PPRC1: variants seen among roughly 807,000 people sequenced by gnomAD.
PPRC1 encodes peroxisome proliferator-activated receptor gamma coactivator-related protein 1.
A neutral mutation model predicts 132.5 loss-of-function variants in PPRC1; 23 were observed. The ratio of observed to expected loss-of-function variants is 0.17; its 90% CI spans 0.12 to 0.25. The LOEUF (loss-of-function observed/expected upper bound fraction) is 0.25. PPRC1 is among the 10% of genes least tolerant of loss of function. The pLI is 1.00. For missense variants in PPRC1, 2,006 were observed against 2,089.1 expected (o/e 0.96, Z 0.78); for synonymous variants, 872 against 833.5 (o/e 1.05, Z -0.80).
chr10:102,142,400 C>CGTTTTTTTTTTTTTTT (rs2069029373), intron 5 of PPRC1, among the ~76,000 whole-genome samples: 1 of 61,206 alleles, frequency 1.6e-5, no homozygotes, highest in African/African-American at 6.4e-5. Flanking sequence ...TGCACCATGC[C>CGTTTTTTTTTTTTTTT]TTTTTTTTTT....
chr10:102,120,491 C>T, the PPRC1 span: 1 of 637,068 alleles, frequency 1.6e-6, no homozygotes, highest in Non-Finnish European at 2.0e-6. Flanking sequence ...GCTCCCCAGC[C>T]CAAGCCGGGC....
In PPRC1 at chr10:102,138,929, C is replaced by G; in HGVS notation, c.540C>G (p.Ile180Met). The change falls in exon 4 of 14, where the codon ATC becomes ATG. Residue 180 changes from isoleucine to methionine, a missense_variant. Transcript: ENST00000278070. ...LSRTPPERDLITPVDPLGPST... is the reference protein window; with the variant it reads ...LSRTPPERDLMTPVDPLGPST... ...GGACACCCCCAGAACGTGACCTCAT[C>G]ACCCCAGTTGACCCACTGGGGCCCA... The G allele has an allele frequency of 1.9e-6, 3 of 1,614,230 alleles. No individual in the cohort carries two copies. Among genetic ancestry groups the G allele is most frequent in the African/African-American group, 1.3e-5 (1 of 75,058 alleles).
At chr10:102,123,423 T>C in the PPRC1 span, among the ~76,000 whole-genome samples, 1 of 152,190 alleles carries the variant, frequency 6.6e-6, no homozygotes, top group South Asian at 2.1e-4. Flanking sequence ...TTAATGACAA[T>C]GTCCTGGAGG....
intron 1 of PPRC1, among the ~76,000 whole-genome samples, chr10:102,135,857 G>C (rs2068703590): frequency 6.6e-6 from 1 of 152,206 alleles, no homozygotes; most frequent in South Asian, 2.1e-4. Context: ...TTTGAAGTTA[G>C]AGGTGCTGAT....
upstream of PPRC1, chr10:102,132,845 G>A (rs747878451): frequency 4.2e-5 from 21 of 496,418 alleles, no homozygotes; most frequent in Middle Eastern, 5.7e-4. Context: ...CCTACAGGAT[G>A]CCTGCAGCTA....
At chr10:102,132,509 G>GTT (rs1230717249), upstream of PPRC1, among the ~76,000 whole-genome samples, 24 of 152,366 alleles carry the variant, frequency 1.6e-4, no homozygotes, top group African/African-American at 5.1e-4. Context: ...TGATAGAGAA[G>GTT]GCAACGTAAG....
At chr10:102,130,566 T>C (rs1451679257), upstream of PPRC1, among the ~76,000 whole-genome samples, 1 of 148,120 alleles carries the variant, frequency 6.8e-6, no homozygotes, top group African/African-American at 2.5e-5. Context: ...AGAAACCCCC[T>C]CTCTACTAAA....
At chr10:102,131,143 C>T (rs1450119994), upstream of PPRC1, among the ~76,000 whole-genome samples, 1 of 146,632 alleles carries the variant, frequency 6.8e-6, no homozygotes, top group Admixed American at 6.9e-5. Flanking sequence ...TGCAGTGAGC[C>T]AAGATCGCGC....
upstream of PPRC1, among the ~76,000 whole-genome samples, chr10:102,131,344 C>T (rs745863141): frequency 1.4e-4 from 22 of 151,794 alleles, no homozygotes; most frequent in African/African-American, 1.9e-4. Flanking sequence ...TCACCGCACT[C>T]CACACTGCAG....
At position 102,145,822 on chromosome 10, in the gene PPRC1, G is replaced by A. The variant is rs556518767; in HGVS notation, c.3679+732G>A. ...TGAGCTTGCAGTGAGCTGAGATTGCGCCACTGCCCTCCAGCCTAGGCGACA... is the reference window on the plus strand; with the variant it reads ...TGAGCTTGCAGTGAGCTGAGATTGCACCACTGCCCTCCAGCCTAGGCGACA... On this transcript the variant is annotated intron_variant, in intron 8 of 13. Transcript: ENST00000278070. Among the ~76,000 whole-genome samples the A allele has an allele frequency of 4.6e-5, 7 of 152,212 alleles. No homozygotes were observed. In the South Asian group the frequency reaches 1.0e-3, roughly 23 times the overall value.
At chr10:102,143,252 C>T (rs557009242) in intron 6 of PPRC1, among the ~76,000 whole-genome samples, 154 bp downstream of exon 6, 26 of 152,106 alleles carry the variant, frequency 1.7e-4, no homozygotes, top group Admixed American at 5.9e-4. Flanking sequence ...TGAACTGTGA[C>T]GGTAATCCAA....
At chr10:102,145,386 G>A (rs1276170279) in intron 8 of PPRC1, among the ~76,000 whole-genome samples, 1 of 152,054 alleles carries the variant, frequency 6.6e-6, no homozygotes, top group Non-Finnish European at 1.5e-5. Context: ...TGGCCAACAT[G>A]GTGAAACCCT....
the PPRC1 span, chr10:102,120,021 C>CG: frequency 7.8e-7 from 1 of 1,285,944 alleles, no homozygotes; most frequent in Non-Finnish European, 1.0e-6. Flanking sequence ...TCGCCAAACA[C>CG]GGGGTGAGGG....
Position 102,133,212 on chromosome 10 carries a change from C to T in PPRC1, c.144C>T (p.Gly48=), listed in dbSNP as rs766661307. ...ATGGGACTTTGGGCGCTGTGAGCGG[C>T]GGCGAGCAGGTGAGAGGTTGGCTGG... ...APYGTLGAVS[G]GEQVLLHEEA... Residue 48 remains glycine, a synonymous_variant, in exon 1 of 14, where the codon GGC becomes GGT. Coordinates refer to ENST00000278070, the MANE Select transcript of PPRC1 (RefSeq NM_015062.5). 1.0e-5 allele frequency: 13 copies of T among 1,281,992 alleles called. No individual in the cohort carries two copies. The highest frequency in any genetic ancestry group is 1.2e-5 in the Non-Finnish European group (12 of 1,007,878). The allele number at this position is 1,281,992 out of a possible 1,614,324, so 79.4% of individuals were successfully genotyped here.
chr10:102,129,334 A>G (rs190347000), upstream of PPRC1, among the ~76,000 whole-genome samples: 233 of 152,266 alleles, frequency 1.5e-3, no homozygotes, highest in African/African-American at 5.3e-3. Context: ...TTGGTGGCCT[A>G]TGGCTCTAAG....
rs1279654862 is a variant in PPRC1, at chr10:102,149,093, C to T, written c.4740-85C>T. ...TGGCCACTGGGAATGAGAAGAACCACCTCTGTACCTTGGGATGCTGTGTCT... is the reference window on the plus strand; with the variant it reads ...TGGCCACTGGGAATGAGAAGAACCATCTCTGTACCTTGGGATGCTGTGTCT... On this transcript the variant is annotated intron_variant, in intron 12 of 13. Transcript: ENST00000278070. 4 of 1,527,882 alleles carry T rather than the reference C, an allele frequency of 2.6e-6. No individual in the cohort carries two copies. The Admixed American group carries it at 8.3e-5, about 32-fold the overall frequency. The allele number at this position is 1,527,882 out of a possible 1,614,324, so 94.6% of individuals were successfully genotyped here.
intron 1 of PPRC1, among the ~76,000 whole-genome samples, chr10:102,134,043 G>T (rs1276124236): frequency 2.0e-5 from 3 of 152,004 alleles, no homozygotes; most frequent in Non-Finnish European, 4.4e-5. Context: ...AGTTTGTGGC[G>T]CTTCCGTCTG....
Position 102,148,792 on chromosome 10 carries a change from G to A in PPRC1, c.4618-25G>A. ...CTGTAGCCCTGGCTAATGGTGTGTT[G>A]ATTTTTTTTCATTTCCAAACATAGG... On this transcript the variant is annotated intron_variant, in intron 11 of 13. Coordinates refer to ENST00000278070, the MANE Select transcript of PPRC1 (RefSeq NM_015062.5). This position sits in a 1 kb window ranked among gnomAD's most constrained non-coding sequence, Gnocchi z 4.2. The A allele has an allele frequency of 6.2e-7, 1 of 1,614,108 alleles. No homozygotes were observed. Among genetic ancestry groups the A allele is most frequent in the Non-Finnish European group, 8.5e-7 (1 of 1,180,008 alleles).
the PPRC1 span, among the ~76,000 whole-genome samples, chr10:102,127,037 A>T: frequency 5.1e-3 from 271 of 53,408 alleles, 8 homozygotes; most frequent in Admixed American, 0.011. Context: ...ATATATATAT[A>T]TATATATATA....
Sources: gnomAD v4.1 joint callset for allele counts (sites outside exome capture counted in the v4.1 genomes callset) on GRCh38, gnomAD v4.1.1 for gene constraint, Gnocchi (gnomAD v3.1) non-coding constraint, MANE v1.5 for transcripts, NCBI Gene and HGNC (gene_info 2026-07-23, HGNC 2026-07-21) for gene names.